The following FLYWCH1 variants were observed in gnomAD, a reference collection of about 807,000 sequenced individuals.
FLYWCH1 encodes the protein FLYWCH-type zinc finger 1.
Under a neutral mutation model 66.4 loss-of-function variants are expected in FLYWCH1, and 75 were observed. The ratio of observed to expected loss-of-function variants is 1.13; its 90% CI spans 0.94 to 1.37. The LOEUF (loss-of-function observed/expected upper bound fraction) is 1.37. FLYWCH1 is among the 40% of genes most tolerant of loss of function. FLYWCH1 has a pLI of 0.00. For synonymous variants in FLYWCH1, 595 were observed against 429.9 expected, an observed-to-expected ratio of 1.38 and a Z score of -4.75; for missense variants, 1,334 against 1,001.8, an observed-to-expected ratio of 1.33 and a Z score of -4.48.
In FLYWCH1 at chr16:2,930,018, G is replaced by A. The variant is rs1352472338; in HGVS notation, c.325+8G>A. ...GCAGCAAGCTGGATGCAGGTGAGGT[G>A]TGGCTTCCCGCCCCTGCCCAGCCAC... On this transcript the variant is annotated splice_region_variant and intron_variant, in intron 3 of 9. Coordinates refer to ENST00000253928, the MANE Select transcript of FLYWCH1 (RefSeq NM_001308068.2). 3.1e-6 allele frequency: 5 copies of A among 1,596,256 alleles called. No individual in the cohort carries two copies. The highest frequency in any genetic ancestry group is 1.7e-5 in the Admixed American group (1 of 59,430).
intron 4 of FLYWCH1, 44 bp from the exon 5 acceptor site, chr16:2,933,086 C>T (rs2070828865): frequency 6.4e-7 from 1 of 1,556,160 alleles, no homozygotes; most frequent in Non-Finnish European, 8.8e-7. Context: ...CTCCTGGGCT[C>T]CTCTCCACCC....
chr16:2,933,598 TTG>T lies in FLYWCH1; in HGVS notation c.1249+17_1249+18del, dbSNP rs1491374992. The T allele has an allele frequency of 6.3e-7, 1 of 1,575,882 alleles. No individual in the cohort carries two copies. Among genetic ancestry groups the T allele is most frequent in the African/African-American group, 1.4e-5 (1 of 73,810 alleles). ...GCAGACCCGGGTGAGCTGCCTTCCT[TTG>T]GGGCTCACCGGCCCTGCCTTGACTC... is the stretch of plus-strand genomic sequence containing the variant. On this transcript the variant is annotated intron_variant, in intron 5 of 9. Transcript: ENST00000253928.
At chr16:2,945,954 G>T (rs184701101) in intron 9 of FLYWCH1, among the ~76,000 whole-genome samples, 62 of 151,882 alleles carry the variant, frequency 4.1e-4, no homozygotes, top group Admixed American at 9.2e-4. Flanking sequence ...CCGAGATTGC[G>T]ACACTGCACT....
chr16:2,931,515 C>G (rs991384689), intron 4 of FLYWCH1, among the ~76,000 whole-genome samples: 10 of 151,338 alleles, frequency 6.6e-5, no homozygotes, highest in African/African-American at 2.4e-4. Flanking sequence ...ACTTGGGAGA[C>G]TGAGGTGGGA....
intron 9 of FLYWCH1, among the ~76,000 whole-genome samples, chr16:2,941,092 A>AAATC (rs1448877291): frequency 2.0e-5 from 3 of 152,062 alleles, no homozygotes; most frequent in Non-Finnish European, 4.4e-5. Flanking sequence ...AACAAAAACC[A>AAATC]AATCAAAAAC....
intron 9 of FLYWCH1, among the ~76,000 whole-genome samples, chr16:2,942,579 G>A (rs1326345174): frequency 6.7e-6 from 1 of 149,310 alleles, no homozygotes; most frequent in African/African-American, 2.5e-5. Flanking sequence ...ACATAAAAAA[G>A]GATTATATAC....
chr16:2,938,261 AAGGAGAAGGCGGCTG>A lies in FLYWCH1; in HGVS notation c.1856_1870del (p.Lys619_Gly624delinsArg), dbSNP rs905169152. ...GGTGCACGAGTCCTTCCTCTACAGG[AAGGAGAAGGCGGCTG>A]GGGAGAAGGTGTACTGGATGTGCCG... is the stretch of plus-strand genomic sequence containing the variant. On this transcript the variant is annotated inframe_deletion, in exon 8 of 10. Coordinates refer to ENST00000253928, the MANE Select transcript of FLYWCH1 (RefSeq NM_001308068.2). 6.2e-7 allele frequency: 1 copy of A among 1,613,066 alleles called. No homozygotes were observed. Among genetic ancestry groups the A allele is most frequent in the African/African-American group, 1.3e-5 (1 of 74,908 alleles).
At chr16:2,939,902 G>C in intron 8 of FLYWCH1, 130 bp from the exon 9 acceptor site, 3 of 1,051,830 alleles carry the variant, frequency 2.9e-6, no homozygotes, top group South Asian at 1.7e-5. Flanking sequence ...TGAATTCCCA[G>C]CGTTGCTTCA....
intron 4 of FLYWCH1, 79 bp from the exon 5 acceptor site, chr16:2,933,051 C>T: frequency 7.8e-7 from 1 of 1,275,328 alleles, no homozygotes; most frequent in Non-Finnish European, 1.1e-6. Flanking sequence ...CTCGTGTCAG[C>T]CCCCACAGTC....
chr16:2,945,856 G>C (rs1596405894), intron 9 of FLYWCH1, among the ~76,000 whole-genome samples: 1 of 151,888 alleles, frequency 6.6e-6, no homozygotes, highest in South Asian at 2.1e-4. Flanking sequence ...AATTAGCCGA[G>C]CGTGGTGGCA....
chr16:2,916,203 G>A (rs996226365), intron 2 of FLYWCH1, among the ~76,000 whole-genome samples: 1 of 152,124 alleles, frequency 6.6e-6, no homozygotes, highest in Non-Finnish European at 1.5e-5. Context: ...AAGTTAGCTG[G>A]GCGTGTTGGT....
chr16:2,915,478 T>A (rs972531064), intron 2 of FLYWCH1: 2 of 152,188 alleles, frequency 1.3e-5, no homozygotes, highest in Admixed American at 1.3e-4. Context: ...TGGCTAACGG[T>A]AAGTAAAATC....
intron 1 of FLYWCH1, among the ~76,000 whole-genome samples, chr16:2,913,901 G>C (rs1476433483): frequency 5.9e-5 from 9 of 152,184 alleles, no homozygotes; most frequent in African/African-American, 1.9e-4. Context: ...GCGAGGGGCA[G>C]GTCTCACTAT....
At chr16:2,916,862 C>T (rs1011732011) in intron 2 of FLYWCH1, among the ~76,000 whole-genome samples, 1 of 150,122 alleles carries the variant, frequency 6.7e-6, no homozygotes, top group Non-Finnish European at 1.5e-5. Context: ...ACGAGGAAAT[C>T]GGCCAGGCAT....
intron 4 of FLYWCH1, among the ~76,000 whole-genome samples, chr16:2,932,271 A>C (rs1281817037): frequency 2.8e-5 from 1 of 35,408 alleles, no homozygotes; most frequent in East Asian, 1.0e-3. Context: ...ACCCTGTCTC[A>C]AAAAAAAAAA....
intron 6 of FLYWCH1, chr16:2,936,153 C>T (rs112047133): frequency 0.05 from 15,515 of 310,512 alleles, 572 homozygotes; most frequent in Non-Finnish European, 0.069. Context: ...CCTCGTGATC[C>T]GCCTGCCTCG....
chr16:2,942,275 G>A (rs1343886984), intron 9 of FLYWCH1, among the ~76,000 whole-genome samples: 5 of 151,700 alleles, frequency 3.3e-5, no homozygotes, highest in African/African-American at 1.2e-4. Flanking sequence ...ACCCTCCTGA[G>A]TAGCTGGGAC....
Position 2,930,592 on chromosome 16 carries a change from C to G in FLYWCH1, c.508C>G (p.Arg170Gly). 3.2e-6 allele frequency: 5 copies of G among 1,555,068 alleles called. 1 individual carries two copies. Among genetic ancestry groups the G allele is most frequent in the Non-Finnish European group, 4.3e-6 (5 of 1,150,732 alleles). Residue 170 changes from arginine (R) to glycine (G), a missense_variant, in exon 4 of 10, where the codon CGG becomes GGG. Physicochemically the swap from Arg to Gly is moderately radical, Grantham distance 125. Transcript: ENST00000253928. The stretch of plus-strand genomic sequence containing the variant: ...CCGAGGCCTGCGGGCCACAGTGATG[C>G]GGGGCCACTGCCACGCGCCCGATGA... ...ITRGLRATVM[R>G]GHCHAPDEQG...
At chr16:2,945,355 G>A (rs555804713) in intron 9 of FLYWCH1, among the ~76,000 whole-genome samples, 5 of 151,612 alleles carry the variant, frequency 3.3e-5, no homozygotes, top group South Asian at 2.1e-4. Flanking sequence ...GCGTGGTGGC[G>A]TGTGCCTGTA....
Sources: gnomAD v4.1 joint callset for allele counts (sites outside exome capture counted in the v4.1 genomes callset) on GRCh38, gnomAD v4.1.1 for gene constraint, MANE v1.5 for transcripts, NCBI Gene and HGNC (gene_info 2026-07-23, HGNC 2026-07-21) for gene names.